Variants in CPSF1 observed in about 807,000 individuals in gnomAD.
The protein encoded by CPSF1 is cleavage and polyadenylation specificity factor subunit 1.
In CPSF1, 106 loss-of-function variants were observed where a neutral mutation model predicts 175.8. The ratio of observed to expected loss-of-function variants is 0.60; its 90% CI spans 0.52 to 0.71. The LOEUF is 0.71. CPSF1 is among the 30% of genes least tolerant of loss of function. CPSF1 has a pLI of 0.00. For synonymous variants in CPSF1, 1,024 were observed against 858.3 expected, an observed-to-expected ratio of 1.19 and a Z score of -3.37; for missense variants, 1,734 against 2,022.9, an observed-to-expected ratio of 0.86 and a Z score of 2.74.
Position 144,397,565 on chromosome 8 carries a change from AG to A in CPSF1, c.2306del (p.Pro769LeufsTer40). 1 of 1,550,148 alleles carries A rather than the reference AG, an allele frequency of 6.5e-7. No homozygotes were observed. Among genetic ancestry groups the A allele is most frequent in the Non-Finnish European group, 8.8e-7 (1 of 1,142,492 alleles). ...GGAAGGGTGCAGGGTCCCGGTCAGCAGGGGGCTGGCTGCTTCTTCGGGCCTC... is the reference window on the plus strand; with the variant it reads ...GGAAGGGTGCAGGGTCCCGGTCAGCAGGGGCTGGCTGCTTCTTCGGGCCTC... ...KEEARRSSQP[P>X]ADRDPAPFRA... is the part of the protein sequence containing the mutation. On this transcript the variant is annotated frameshift_variant, in exon 22 of 38. Coordinates refer to ENST00000616140, the MANE Select transcript of CPSF1 (RefSeq NM_013291.3). LOFTEE classifies it high-confidence loss of function.
rs2116859025 is a variant in CPSF1 at position 144,399,110 on chromosome 8, G to A, written c.1467+18C>T. On this transcript the variant is annotated intron_variant, in intron 15 of 37. Transcript: ENST00000616140. The surrounding 1 kb of genome is among the most constrained non-coding windows in gnomAD (Gnocchi z 6.4). ...CACTCCAGCCCCTGCCCCCAGCCCC[G>A]ACCCCAACCCTGGGCACCTCTTCAG... 1.7e-5 allele frequency: 16 copies of A among 927,880 alleles called. No homozygotes were observed. The highest frequency in any genetic ancestry group is 7.0e-5 in the African/African-American group (4 of 56,792). The allele number at this position is 927,880 out of a possible 1,614,324, so 57.5% of individuals were successfully genotyped here. A position where few individuals can be genotyped will look rare whatever the true frequency, so the allele number is the denominator to read the frequency against.
rs2116877939 is a variant in CPSF1, at chr8:144,400,756, G to A, written c.601C>T (p.Leu201Phe). The A allele has an allele frequency of 4.3e-6, 7 of 1,613,910 alleles. No individual in the cohort carries two copies. Among genetic ancestry groups the A allele is most frequent in the Admixed American group, 1.7e-5 (1 of 60,002 alleles). The change falls in exon 7 of 38, where the codon CTC (leucine) becomes TTC (phenylalanine). Residue 201 changes from leucine to phenylalanine, a missense_variant. By Grantham distance (22) the Leu-to-Phe change is conservative. This residue lies in a region of CPSF1 where 122 missense variants were observed against 177.2 expected (regional missense o/e 0.69). Coordinates refer to ENST00000616140, the MANE Select transcript of CPSF1 (RefSeq NM_013291.3). The part of the protein sequence containing the change: ...IDVRALDEKL[L>F]NIIDLQFLHG... ...AGGAACTGCAGGTCGATGATGTTGAGCAGCTTCTCGTCTAGGGCCCGCACG... is the reference window on the plus strand; with the variant it reads ...AGGAACTGCAGGTCGATGATGTTGAACAGCTTCTCGTCTAGGGCCCGCACG...
At chr8:144,403,664 T>C (rs2116895533) in intron 2 of CPSF1, among the ~76,000 whole-genome samples, 2 of 151,668 alleles carry the variant, frequency 1.3e-5, no homozygotes, top group Admixed American at 1.3e-4. Context: ...GCAATTCTCC[T>C]GCCTCAGCCT....
rs1341748492 is a variant in CPSF1 at position 144,396,344 on chromosome 8, C to T, written c.2979+4G>A. On this transcript the variant is annotated splice_donor_region_variant and intron_variant, in intron 26 of 37. Transcript: ENST00000616140. ...AGTGCTGCTGGGAACCGGCCGGGCC[C>T]CACCTGTCTGTTGAAGTACAGGAAG... 6.3e-7 allele frequency: 1 copy of T among 1,582,164 alleles called. No homozygotes were observed. Among genetic ancestry groups the T allele is most frequent in the South Asian group, 1.2e-5 (1 of 86,718 alleles).
rs1820981001 is a variant in CPSF1 at position 144,398,943 on chromosome 8, T to C, written c.1548+15A>G. On this transcript the variant is annotated intron_variant, in intron 16 of 37. Coordinates refer to ENST00000616140, the MANE Select transcript of CPSF1 (RefSeq NM_013291.3). ...GTCCCACCAGGAGGCGCCCGCCCCC[T>C]ACCTGCCCACACACCTGCAGCACCG... 1 of 1,612,694 alleles carries C rather than the reference T, an allele frequency of 6.2e-7. No individual in the cohort carries two copies. The highest frequency in any genetic ancestry group is 1.1e-5 in the South Asian group (1 of 91,068).
chr8:144,406,535 C>T lies in CPSF1; in HGVS notation c.144+2480G>A, dbSNP rs2116905521. On this transcript the variant is annotated intron_variant, in intron 2 of 37. Coordinates refer to ENST00000616140, the MANE Select transcript of CPSF1 (RefSeq NM_013291.3). ...ATGTTGGGGTGCCCCAAGACCCTGT[C>T]TTTGTCTATATTCTGGGTGATCTCA... Among the ~76,000 whole-genome samples the T allele has an allele frequency of 2.6e-5, 4 of 152,358 alleles. No homozygotes were observed. In the East Asian group the frequency reaches 7.7e-4, roughly 29 times the overall value.
chr8:144,400,135 G>GGGGGGGGGGGCCCCCCCCC, intron 9 of CPSF1, 31 bp downstream of exon 9: 1 of 896,010 alleles, frequency 1.1e-6, no homozygotes, highest in Non-Finnish European at 1.6e-6. Flanking sequence ...CCGTCCCCGG[G>GGGGGGGGGGGCCCCCCCCC]CCCCCCCCGC....
At chr8:144,394,822 G>A in intron 30 of CPSF1, 26 bp from the exon 31 acceptor site, 3 of 1,613,060 alleles carry the variant, frequency 1.9e-6, no homozygotes, top group Non-Finnish European at 2.5e-6. Flanking sequence ...ATGGCTGTGG[G>A]ATGGCTGTGG....
At chr8:144,404,586 T>A (rs1289106672) in intron 2 of CPSF1, among the ~76,000 whole-genome samples, 1 of 150,914 alleles carries the variant, frequency 6.6e-6, no homozygotes, top group Non-Finnish European at 1.5e-5. Flanking sequence ...GACAGGCTGG[T>A]CTTGAACTCC....
intron 2 of CPSF1, among the ~76,000 whole-genome samples, chr8:144,406,870 G>C (rs1554869222): frequency 1.3e-5 from 2 of 152,186 alleles, no homozygotes. Context: ...CCCCCACCAG[G>C]GTTGGTAGAT....
chr8:144,401,439 C>G lies in CPSF1; in HGVS notation c.297G>C (p.Lys99Asn). ...CAAGCCTACCACTCACCTTGGCATC[C>G]TTGAAGCTTAGGAGCAGGGCATCCC... Reference protein sequence around the residue: ...AKRDALLLSFKDAKLSVVEYD... With the variant: ...AKRDALLLSFNDAKLSVVEYD... The change falls in exon 4 of 38, where the codon AAG becomes AAC. Residue 99 changes from lysine (K) to asparagine (N), a missense_variant. Lys to Asn is a moderately conservative substitution (Grantham distance 94). This residue lies in a region of CPSF1 where 122 missense variants were observed against 177.2 expected (regional missense o/e 0.69). Coordinates refer to ENST00000616140, the MANE Select transcript of CPSF1 (RefSeq NM_013291.3). 6.2e-7 allele frequency: 1 copy of G among 1,614,078 alleles called. No individual in the cohort carries two copies. The highest frequency in any genetic ancestry group is 1.3e-5 in the African/African-American group (1 of 75,060).
intron 21 of CPSF1, 22 bp downstream of exon 21, chr8:144,397,721 T>TGC: frequency 6.3e-7 from 1 of 1,585,568 alleles, no homozygotes; most frequent in Non-Finnish European, 8.6e-7. Context: ...AGCCCCTACC[T>TGC]GCGCCCCCAG....
intron 29 of CPSF1, 22 bp downstream of exon 29, chr8:144,395,076 A>AC (rs1381564706): frequency 3.8e-6 from 6 of 1,598,140 alleles, no homozygotes; most frequent in Non-Finnish European, 5.1e-6. Context: ...GGCAGACCCC[A>AC]CCCCCGCCGG....
chr8:144,400,135 G>GGGGCGCCCCCCCCCCCCCCCCCCCCCCCC, intron 9 of CPSF1, 31 bp downstream of exon 9: 1 of 896,012 alleles, frequency 1.1e-6, no homozygotes, highest in Non-Finnish European at 1.6e-6. Flanking sequence ...CCGTCCCCGG[G>GGGGCGCCCCCCCCCCCCCCCCCCCCCCCC]CCCCCCCCGC....
chr8:144,397,948 GC>G lies in CPSF1; in HGVS notation c.2073+5del. 1 of 1,605,398 alleles carries G rather than the reference GC, an allele frequency of 6.2e-7. No homozygotes were observed. The highest frequency in any genetic ancestry group is 8.5e-7 in the Non-Finnish European group (1 of 1,176,734). ...ACAGGAGGGCGCCGGGAATGAGGGG[GC>G]CTACATGGTGCAGCGGGGGCTTGTG... On this transcript the variant is annotated splice_donor_5th_base_variant and intron_variant, in intron 20 of 37. Coordinates refer to ENST00000616140, the MANE Select transcript of CPSF1 (RefSeq NM_013291.3).
At chr8:144,407,720 A>G (rs1477935581) in intron 2 of CPSF1, among the ~76,000 whole-genome samples, 1 of 152,126 alleles carries the variant, frequency 6.6e-6, no homozygotes, top group Non-Finnish European at 1.5e-5. Context: ...CAAAAAAAAA[A>G]ATTATTTGTA....
intron 24 of CPSF1, 45 bp downstream of exon 24, chr8:144,396,795 T>C: frequency 6.2e-7 from 1 of 1,613,468 alleles, no homozygotes; most frequent in African/African-American, 1.3e-5. Context: ...AACCCACACC[T>C]TGTACCACAC....
rs145130508 is a variant in CPSF1 at position 144,400,781 on chromosome 8, G to A, written c.576C>T (p.Asp192=). The A allele has an allele frequency of 4.0e-5, 64 of 1,613,842 alleles. No homozygotes were observed. In the African/African-American group the frequency reaches 5.7e-4, roughly 14 times the overall value. ...RSSFLPSYII[D]VRALDEKLLN... is the part of the protein sequence containing the mutation. ...GCAGCTTCTCGTCTAGGGCCCGCAC[G>A]TCGATGATGTAGCTGGGCAGGAAGC... Residue 192 remains aspartate, a synonymous_variant, in exon 7 of 38, where the codon GAC becomes GAT. Transcript: ENST00000616140.
At chr8:144,396,769 G>T in intron 24 of CPSF1, 28 bp from the exon 25 acceptor site, 1 of 1,613,194 alleles carries the variant, frequency 6.2e-7, no homozygotes, top group South Asian at 1.1e-5. Flanking sequence ...AGGTCCTCCA[G>T]GGGCTGCCGG....
Sources: allele counts gnomAD v4.1 joint callset (sites outside exome capture counted in the v4.1 genomes callset), GRCh38; gene constraint gnomAD v4.1.1; regional missense constraint gnomAD v4.1.1; non-coding constraint Gnocchi (gnomAD v3.1); transcripts MANE v1.5; gene names NCBI Gene and HGNC (gene_info 2026-07-23, HGNC 2026-07-21).